The following AKNAD1 variants were observed in gnomAD, a reference collection of about 807,000 sequenced individuals.
AKNAD1 encodes the protein AKNA domain containing 1.
A neutral mutation model predicts 90.8 loss-of-function variants in AKNAD1; 67 were observed. The observed-to-expected ratio is 0.74, with a 90% CI of 0.61 to 0.90. AKNAD1 has a LOEUF of 0.90. Among genes scored for constraint, AKNAD1 ranks in the 40% least tolerant of loss-of-function variants. The pLI is 0.00. For synonymous variants in AKNAD1, 327 were observed against 341.4 expected (o/e 0.96, Z 0.46); for missense variants, 957 against 975.4 (o/e 0.98, Z 0.25).
chr1:108,822,791 C>T (rs990519540), intron 13 of AKNAD1, among the ~76,000 whole-genome samples: 2 of 152,202 alleles, frequency 1.3e-5, no homozygotes, highest in African/African-American at 4.8e-5. Context: ...GCTTTTTGAA[C>T]TTACCCCATT....
intron 7 of AKNAD1, 147 bp from the exon 8 acceptor site, chr1:108,835,203 C>T (rs1175659884): frequency 4.8e-6 from 4 of 837,580 alleles, no homozygotes; most frequent in South Asian, 4.3e-5. Context: ...CAGCTCTTTA[C>T]CTAGCTGTCT....
chr1:108,820,649 A>T, intron 13 of AKNAD1, 23 bp from the exon 14 acceptor site: 1 of 1,486,468 alleles, frequency 6.7e-7, no homozygotes, highest in Non-Finnish European at 9.3e-7. Context: ...AGCTATCATT[A>T]AATTCAGAGT....
At chr1:108,837,228 GA>G in intron 7 of AKNAD1, 8 of 211,928 alleles carry the variant, frequency 3.8e-5, no homozygotes, top group South Asian at 2.1e-4. Flanking sequence ...AAACTATGAA[GA>G]AAAAAAATTA....
In AKNAD1 at chr1:108,839,411, T is replaced by C. The variant is rs535291556; in HGVS notation, c.1380-1705A>G. Among the ~76,000 whole-genome samples the C allele has an allele frequency of 2.6e-3, 372 of 141,872 alleles. 1 individual carries two copies. Among genetic ancestry groups the C allele is most frequent in the Non-Finnish European group, 3.6e-3 (238 of 66,714 alleles). 93.1% of individuals were successfully genotyped at this position (141,872 alleles called of 152,430 possible). A position where few individuals can be genotyped will look rare whatever the true frequency, so the allele number is the denominator to read the frequency against. The stretch of plus-strand genomic sequence containing the variant: ...TGGCGTGAAGCCGGGAGGCGGAGCT[T>C]GCAGCGAGCCAAGATCGCGCCACTG... On this transcript the variant is annotated intron_variant, in intron 6 of 15. Transcript: ENST00000370001.
At chr1:108,832,236 G>A (rs1487766598) in intron 9 of AKNAD1, among the ~76,000 whole-genome samples, 3 of 105,520 alleles carry the variant, frequency 2.8e-5, no homozygotes, top group Non-Finnish European at 5.4e-5. Context: ...TTTTTTTTGA[G>A]ATGGAGTTTC....
At chr1:108,834,835 C>T in intron 8 of AKNAD1, 94 bp downstream of exon 8, 4 of 1,482,864 alleles carry the variant, frequency 2.7e-6, no homozygotes, top group African/African-American at 1.4e-5. Flanking sequence ...ACTGCTTTTC[C>T]TGTGGGAGCC....
At chr1:108,833,723 G>T (rs1277382102) in intron 9 of AKNAD1, among the ~76,000 whole-genome samples, 10 of 143,710 alleles carry the variant, frequency 7.0e-5, no homozygotes, top group South Asian at 6.6e-4. Context: ...TTTTCCCATG[G>T]TTTTTTTTTT....
Position 108,816,222 on chromosome 1 carries a change from A to G in AKNAD1, c.2460T>C (p.Ile820=). 6 of 1,613,866 alleles carry G rather than the reference A, an allele frequency of 3.7e-6. No individual in the cohort carries two copies. The highest frequency in any genetic ancestry group is 5.1e-6 in the Non-Finnish European group (6 of 1,179,930). ...KETTDQMIKT[I]AEDLAKAQRW... ...TCTGTGCTTTAGCAAGGTCTTCTGCAATCGTTTTAATCATTTGATCTGTAG... is the reference window on the plus strand; with the variant it reads ...TCTGTGCTTTAGCAAGGTCTTCTGCGATCGTTTTAATCATTTGATCTGTAG... Residue 820 remains isoleucine, a synonymous_variant, in exon 16 of 16, where the codon ATT becomes ATC. Transcript: ENST00000370001.
intron 10 of AKNAD1, among the ~76,000 whole-genome samples, chr1:108,829,954 T>C (rs1664133065): frequency 6.6e-6 from 1 of 152,174 alleles, no homozygotes; most frequent in African/African-American, 2.4e-5. Context: ...AAACAAAGGA[T>C]TTCTCCTGAG....
Position 108,834,986 on chromosome 1 carries a change from G to A in AKNAD1, c.1607C>T (p.Pro536Leu), listed in dbSNP as rs775224288. The A allele has an allele frequency of 1.3e-6, 2 of 1,564,030 alleles. No individual in the cohort carries two copies. Among genetic ancestry groups the A allele is most frequent in the Non-Finnish European group, 1.7e-6 (2 of 1,163,064 alleles). Reference protein sequence around the residue: ...GSGGSEVTGTPQGGPQEAPNE... With the variant: ...GSGGSEVTGTLQGGPQEAPNE... Reference sequence around the variant, plus strand: ...GGGGGCCTCCTGCGGCCCTCCTTGGGGTGTCCCTGTTACCTCACTCCCACC... The same window carrying A: ...GGGGGCCTCCTGCGGCCCTCCTTGGAGTGTCCCTGTTACCTCACTCCCACC... The change falls in exon 8 of 16, where the codon CCC becomes CTC. Residue 536 changes from proline to leucine, a missense_variant. Coordinates refer to ENST00000370001, the MANE Select transcript of AKNAD1 (RefSeq NM_152763.5).
intron 5 of AKNAD1, among the ~76,000 whole-genome samples, chr1:108,843,632 C>T (rs1291512735): frequency 6.6e-6 from 1 of 152,186 alleles, no homozygotes; most frequent in Non-Finnish European, 1.5e-5. Context: ...TTAATCAACA[C>T]ATCAATGTTG....
In AKNAD1 at chr1:108,816,237, T is replaced by C; in HGVS notation, c.2445A>G (p.Gln815=). The change falls in exon 16 of 16, where the codon CAA becomes CAG. Residue 815 remains glutamine, a synonymous_variant. Coordinates refer to ENST00000370001, the MANE Select transcript of AKNAD1 (RefSeq NM_152763.5). ...TATILKETTD[Q]MIKTIAEDLA... is the part of the protein sequence containing the mutation. ...GGTCTTCTGCAATCGTTTTAATCAT[T>C]TGATCTGTAGTTTCTTTCAAAATGG... 6.2e-7 allele frequency: 1 copy of C among 1,613,882 alleles called. No individual in the cohort carries two copies. The highest frequency in any genetic ancestry group is 2.2e-5 in the East Asian group (1 of 44,838).
intron 10 of AKNAD1, among the ~76,000 whole-genome samples, chr1:108,828,056 A>T (rs545852905): frequency 4.6e-5 from 7 of 151,164 alleles, no homozygotes; most frequent in Admixed American, 1.3e-4. Context: ...GTTCAAGGTC[A>T]GCCAGGGCAA....
intron 9 of AKNAD1, 22 bp downstream of exon 9, chr1:108,834,425 G>A (rs778710149): frequency 3.1e-6 from 5 of 1,589,130 alleles, no homozygotes; most frequent in Non-Finnish European, 4.3e-6. Flanking sequence ...AACCCAGCCA[G>A]GCCCCGGCTG....
chr1:108,846,792 T>A (rs1664714209), intron 5 of AKNAD1, among the ~76,000 whole-genome samples: 1 of 152,126 alleles, frequency 6.6e-6, no homozygotes, highest in Non-Finnish European at 1.5e-5. Context: ...TCTAACTGCC[T>A]ACTGGAGCCC....
chr1:108,838,221 C>T (rs931111963), intron 6 of AKNAD1, among the ~76,000 whole-genome samples: 3 of 151,814 alleles, frequency 2.0e-5, no homozygotes, highest in Non-Finnish European at 4.4e-5. Context: ...AAATTTACCT[C>T]GTAACAGTCC....
intron 11 of AKNAD1, 71 bp from the exon 12 acceptor site, chr1:108,823,759 G>T: frequency 1.2e-6 from 2 of 1,605,958 alleles, no homozygotes; most frequent in Non-Finnish European, 1.7e-6. Flanking sequence ...GGTGTGGAGA[G>T]CAGAGCTGTA....
chr1:108,833,740 T>C (rs1024133942), intron 9 of AKNAD1, among the ~76,000 whole-genome samples: 16 of 151,736 alleles, frequency 1.1e-4, no homozygotes, highest in Admixed American at 5.3e-4. Flanking sequence ...TTTTTTAATT[T>C]TTATATTTTA....
intron 1 of AKNAD1, among the ~76,000 whole-genome samples, chr1:108,856,063 G>A (rs886658483): frequency 6.6e-6 from 1 of 151,506 alleles, no homozygotes; most frequent in African/African-American, 2.4e-5. Context: ...ATGTTATTCA[G>A]GACGGTCTCG....
Sources: gnomAD v4.1 joint callset for allele counts (sites outside exome capture counted in the v4.1 genomes callset) on GRCh38, gnomAD v4.1.1 for gene constraint, MANE v1.5 for transcripts, NCBI Gene and HGNC (gene_info 2026-07-23, HGNC 2026-07-21) for gene names.